OSBPL6: variants seen among roughly 807,000 people sequenced by gnomAD.
OSBPL6 encodes oxysterol-binding protein-related protein 6.
Under a neutral mutation model 125.8 loss-of-function variants are expected in OSBPL6, and 49 were observed. The observed-to-expected ratio is 0.39, with a 90% CI of 0.31 to 0.49. The LOEUF is 0.49. OSBPL6 is among the 20% of genes least tolerant of loss of function. OSBPL6 has a pLI of 0.88. For missense variants in OSBPL6, 986 were observed against 1,135.4 expected, an observed-to-expected ratio of 0.87 and a Z score of 1.89; for synonymous variants, 394 against 391.8, an observed-to-expected ratio of 1.01 and a Z score of -0.07.
chr2:178,235,757 A>G (rs2091031326), intron 1 of OSBPL6, among the ~76,000 whole-genome samples: 1 of 152,204 alleles, frequency 6.6e-6, no homozygotes, highest in Non-Finnish European at 1.5e-5. Context: ...ATAAGTATCA[A>G]TATGCCTATG....
chr2:178,278,877 TAAA>T (rs1280122347), intron 1 of OSBPL6, among the ~76,000 whole-genome samples: 2 of 152,044 alleles, frequency 1.3e-5, no homozygotes, highest in Non-Finnish European at 1.5e-5. Flanking sequence ...AGCAAGATAA[TAAA>T]AAAAGGTGTT....
At chr2:178,238,557 T>C (rs2091156301) in intron 1 of OSBPL6, among the ~76,000 whole-genome samples, 1 of 152,308 alleles carries the variant, frequency 6.6e-6, no homozygotes, top group Non-Finnish European at 1.5e-5. Context: ...CTGAGGTTGC[T>C]GAGAGCTGTG....
chr2:178,202,797 G>A (rs1226989544), intron 1 of OSBPL6, among the ~76,000 whole-genome samples: 2 of 151,036 alleles, frequency 1.3e-5, no homozygotes, highest in Non-Finnish European at 2.9e-5. Context: ...TTTCTACCTT[G>A]GGTGACAGAG....
chr2:178,281,748 A>G (rs1271382440), intron 1 of OSBPL6, among the ~76,000 whole-genome samples: 3 of 136,884 alleles, frequency 2.2e-5, no homozygotes. Context: ...GAGCTGAACA[A>G]TGAGAACGCA....
At chr2:178,277,657 A>G (rs1322394222) in intron 1 of OSBPL6, among the ~76,000 whole-genome samples, 1 of 152,220 alleles carries the variant, frequency 6.6e-6, no homozygotes, top group Non-Finnish European at 1.5e-5. Context: ...TACTTTGATC[A>G]TGTTTCTGAA....
intron 9 of OSBPL6, among the ~76,000 whole-genome samples, 158 bp downstream of exon 9, chr2:178,336,591 C>T (rs1197564816): frequency 6.6e-6 from 1 of 152,180 alleles, no homozygotes; most frequent in African/African-American, 2.4e-5. Flanking sequence ...TTTTTATGCA[C>T]CAGCTCCTTC....
chr2:178,383,260 G>A lies in OSBPL6; in HGVS notation c.1858G>A (p.Asp620Asn), dbSNP rs745328747. ...ELLDKASETD[D>N]PYERMVLVAA... ...CCTGGACAAGGCTTCGGAAACTGAT[G>A]ATCCATATGAGCGCATGGTAATAAA... is the stretch of plus-strand genomic sequence containing the variant. Residue 620 changes from aspartate to asparagine, a missense_variant, in exon 17 of 25, where the codon GAT becomes AAT. By Grantham distance (23) the Asp-to-Asn change is conservative. Around this residue, in one of 3 missense-constraint regions of OSBPL6, gnomAD observed 843 missense variants for 997.3 expected, o/e 0.85. Transcript: ENST00000190611. The A allele has an allele frequency of 3.1e-6, 5 of 1,614,084 alleles. No individual in the cohort carries two copies. The highest frequency in any genetic ancestry group is 3.3e-5 in the Admixed American group (2 of 60,004).
intron 11 of OSBPL6, among the ~76,000 whole-genome samples, chr2:178,346,380 T>C (rs968275106): frequency 2.0e-5 from 3 of 152,220 alleles, no homozygotes; most frequent in African/African-American, 7.2e-5. Flanking sequence ...TTAGACCTAC[T>C]GTGTAGACTT....
intron 1 of OSBPL6, among the ~76,000 whole-genome samples, chr2:178,246,785 T>G (rs1469323363): frequency 2.0e-5 from 3 of 152,164 alleles, no homozygotes; most frequent in Non-Finnish European, 4.4e-5. Flanking sequence ...CCAGAAAGTC[T>G]TCCATTCTGC....
intron 3 of OSBPL6, among the ~76,000 whole-genome samples, chr2:178,321,240 A>C (rs1456737164): frequency 6.6e-6 from 1 of 152,176 alleles, no homozygotes; most frequent in Non-Finnish European, 1.5e-5. Context: ...AAAATTCCAC[A>C]CATTTTTGAC....
intron 12 of OSBPL6, among the ~76,000 whole-genome samples, chr2:178,357,526 A>G (rs1301052902): frequency 6.6e-6 from 1 of 152,232 alleles, no homozygotes; most frequent in Non-Finnish European, 1.5e-5. Flanking sequence ...AATTAAAACT[A>G]CAATGAGATA....
chr2:178,349,490 T>G (rs1436332531), intron 12 of OSBPL6, 101 bp downstream of exon 12: 11 of 1,391,912 alleles, frequency 7.9e-6, no homozygotes, highest in South Asian at 1.3e-5. Flanking sequence ...GATAGAAAGA[T>G]TAAATGGTTG....
chr2:178,393,207 C>T (rs1695567737), intron 23 of OSBPL6, among the ~76,000 whole-genome samples: 1 of 152,164 alleles, frequency 6.6e-6, no homozygotes, highest in South Asian at 2.1e-4. Flanking sequence ...AACTCTGTAA[C>T]ATGGAGTATC....
At position 178,395,494 on chromosome 2, in the gene OSBPL6, G is replaced by A. The variant is rs770018021; in HGVS notation, c.2740G>A (p.Asp914Asn). The A allele has an allele frequency of 1.4e-5, 22 of 1,613,580 alleles. No individual in the cohort carries two copies. The highest frequency in any genetic ancestry group is 9.4e-5 in the African/African-American group (7 of 74,834). ...TCAAAGAGAAGCCTGGGTTTCTAAC[G>A]ACACCTACTGGGAGCTTCGAAAGGA... ...ANQREAWVSN[D>N]TYWELRKDPG... The change falls in exon 25 of 25, where the codon GAC becomes AAC. Residue 914 changes from aspartate (D) to asparagine (N), a missense_variant. Asp to Asn is a conservative substitution (Grantham distance 23, BLOSUM62 1). Transcript: ENST00000190611.
chr2:178,399,676 A>G lies in OSBPL6; in HGVS notation c.*4117A>G, dbSNP rs1483031589. The G allele has an allele frequency of 6.6e-6, 1 of 152,210 alleles. No homozygotes were observed. Among genetic ancestry groups the G allele is most frequent in the East Asian group, 1.9e-4 (1 of 5,194 alleles). The allele number at this position is 152,210 out of a possible 1,614,324, so 9.4% of individuals were successfully genotyped here. A position where few individuals can be genotyped will look rare whatever the true frequency, so the allele number is the denominator to read the frequency against. ...GTCATATGCATCCTTTTGTTTTCCA[A>G]AACAACATCTGATTTAGTTCATTTT... is the stretch of plus-strand genomic sequence containing the variant. On this transcript the variant is annotated 3_prime_UTR_variant, in exon 25 of 25. Transcript: ENST00000190611.
chr2:178,349,929 C>T (rs1210679139), intron 12 of OSBPL6, among the ~76,000 whole-genome samples: 3 of 152,156 alleles, frequency 2.0e-5, no homozygotes, highest in South Asian at 2.1e-4. Context: ...CACGTTGGCA[C>T]GACAGCTGGA....
intron 15 of OSBPL6, among the ~76,000 whole-genome samples, chr2:178,380,844 A>G (rs986722909): frequency 1.3e-5 from 2 of 152,246 alleles, no homozygotes; most frequent in African/African-American, 2.4e-5. Context: ...TGTAGCTACT[A>G]TAATGAAAAT....
chr2:178,379,340 G>GAGGGAGGGAGGGGAAGGAAGGAAAGGA (rs1694230109), intron 15 of OSBPL6, among the ~76,000 whole-genome samples: 1 of 127,316 alleles, frequency 7.9e-6, no homozygotes, highest in South Asian at 2.7e-4. Flanking sequence ...GGAAGGGAGG[G>GAGGGAGGGAGGGGAAGGAAGGAAAGGA]AGGGAGGGAG....
chr2:178,291,792 G>GCCATCCAT (rs371679590), intron 2 of OSBPL6, among the ~76,000 whole-genome samples: 20,306 of 116,594 alleles, frequency 0.17, 1,617 homozygotes, highest in Admixed American at 0.28. Context: ...CTTCCTGCCT[G>GCCATCCAT]CCATCCATCC....
Sources: allele counts gnomAD v4.1 joint callset (sites outside exome capture counted in the v4.1 genomes callset), GRCh38; gene constraint gnomAD v4.1.1; regional missense constraint gnomAD v4.1.1; transcripts MANE v1.5; gene names NCBI Gene and HGNC (gene_info 2026-07-23, HGNC 2026-07-21).